IL1RAPL2: variants seen among roughly 807,000 people sequenced by gnomAD.
The protein encoded by IL1RAPL2 is interleukin 1 receptor accessory protein like 2.
Under a neutral mutation model 44.1 loss-of-function variants are expected in IL1RAPL2, and 3 were observed. The observed-to-expected ratio is 0.07, with a 90% CI of 0.03 to 0.18. IL1RAPL2 has a LOEUF of 0.18. Ranked by LOEUF, IL1RAPL2 falls within the 10% of genes least tolerant of loss-of-function variation. The pLI is 1.00. For missense variants in IL1RAPL2, 391 were observed against 496.4 expected (o/e 0.79, Z 2.02); for synonymous variants, 181 against 178.8 (o/e 1.01, Z -0.10).
At chrX:105,696,513 G>A (rs1876633603) in intron 6 of IL1RAPL2, among the ~76,000 whole-genome samples, 1 of 111,285 alleles carries the variant, frequency 9.0e-6, no homozygotes, top group African/African-American at 3.3e-5. Flanking sequence ...GTTTATTGAC[G>A]ATGAATAAAT....
intron 6 of IL1RAPL2, among the ~76,000 whole-genome samples, chrX:105,561,277 A>G (rs1175653537): frequency 1.8e-5 from 2 of 112,042 alleles, no homozygotes; most frequent in Non-Finnish European, 3.8e-5. Flanking sequence ...TAATGCTGAC[A>G]GCTCACCTTC....
intron 5 of IL1RAPL2, among the ~76,000 whole-genome samples, chrX:105,271,112 T>C (rs557172933): frequency 2.1e-4 from 24 of 112,336 alleles, no homozygotes; most frequent in Admixed American, 6.6e-4. Context: ...AAGGTTATCA[T>C]TTGCTTTAAT....
At chrX:104,673,069 T>A (rs1051323192) in intron 2 of IL1RAPL2, among the ~76,000 whole-genome samples, 1 of 112,096 alleles carries the variant, frequency 8.9e-6, no homozygotes, top group African/African-American at 3.2e-5. Context: ...CTGATGGTCA[T>A]TTCTTTTGCT....
chrX:105,428,539 G>A (rs1181200484), intron 5 of IL1RAPL2, among the ~76,000 whole-genome samples: 2 of 111,506 alleles, frequency 1.8e-5, no homozygotes, highest in Non-Finnish European at 3.8e-5. Context: ...ATTCACTTCT[G>A]CGAAAAGAGG....
intron 2 of IL1RAPL2, among the ~76,000 whole-genome samples, chrX:104,803,261 A>G (rs1307005207): frequency 8.9e-6 from 1 of 111,934 alleles, no homozygotes; most frequent in Non-Finnish European, 1.9e-5. Flanking sequence ...CACCCTGTGA[A>G]CAATGTATTA....
intron 4 of IL1RAPL2, among the ~76,000 whole-genome samples, chrX:105,258,082 ATATT>A (rs1159237652): frequency 5.4e-5 from 6 of 111,319 alleles, no homozygotes; most frequent in Non-Finnish European, 1.1e-4. Context: ...TTTTCTTTCT[ATATT>A]TATTGTTATT....
At chrX:105,537,403 A>G (rs966004960) in intron 6 of IL1RAPL2, among the ~76,000 whole-genome samples, 1 of 111,652 alleles carries the variant, frequency 9.0e-6, no homozygotes, top group African/African-American at 3.3e-5. Flanking sequence ...TTAAGGTCTC[A>G]AAACTAAAAT....
At chrX:104,786,272 A>G (rs1004341480) in intron 2 of IL1RAPL2, among the ~76,000 whole-genome samples, 2 of 111,593 alleles carry the variant, frequency 1.8e-5, no homozygotes, top group Admixed American at 9.5e-5. Context: ...GGCCACTCTC[A>G]GAGGTACCTC....
chrX:104,708,177 A>T (rs1196936390), intron 2 of IL1RAPL2, among the ~76,000 whole-genome samples: 1 of 111,427 alleles, frequency 9.0e-6, no homozygotes, highest in Non-Finnish European at 1.9e-5. Context: ...TCATCCATGA[A>T]CTCCCAATCT....
chrX:104,825,743 C>T (rs62602911), intron 2 of IL1RAPL2, among the ~76,000 whole-genome samples: 40,234 of 110,739 alleles, frequency 0.36, 5,804 homozygotes, highest in East Asian at 0.46. Context: ...TCAGTTGCTC[C>T]AGTAATCCTG....
At chrX:105,758,429 C>G (rs1396726984) in intron 10 of IL1RAPL2, among the ~76,000 whole-genome samples, 1 of 110,800 alleles carries the variant, frequency 9.0e-6, no homozygotes, top group African/African-American at 3.3e-5. Context: ...CTCTCTCTCT[C>G]TCTCTCATAT....
At chrX:104,901,031 A>G (rs895792741) in intron 2 of IL1RAPL2, among the ~76,000 whole-genome samples, 1 of 110,800 alleles carries the variant, frequency 9.0e-6, no homozygotes, top group Non-Finnish European at 1.9e-5. Flanking sequence ...CAAGGAGTGA[A>G]TGGGATTCCA....
intron 6 of IL1RAPL2, among the ~76,000 whole-genome samples, chrX:105,527,250 G>A (rs1231295776): frequency 9.0e-6 from 1 of 110,941 alleles, no homozygotes; most frequent in East Asian, 2.8e-4. Context: ...TTGATCAGTA[G>A]CCATTATTTG....
intron 2 of IL1RAPL2, among the ~76,000 whole-genome samples, chrX:104,770,005 C>G (rs1932615429): frequency 9.0e-6 from 1 of 111,197 alleles, no homozygotes; most frequent in Non-Finnish European, 1.9e-5. Flanking sequence ...TTTTTCCTTT[C>G]TTTTTAGTAA....
intron 2 of IL1RAPL2, among the ~76,000 whole-genome samples, chrX:104,723,109 G>A (rs1931716267): frequency 9.1e-6 from 1 of 110,423 alleles, no homozygotes; most frequent in Admixed American, 9.7e-5. Context: ...ATTTGCAGCT[G>A]ACATCCATTT....
At chrX:105,122,714 A>C (rs1017262934) in intron 2 of IL1RAPL2, among the ~76,000 whole-genome samples, 1 of 112,200 alleles carries the variant, frequency 8.9e-6, no homozygotes, top group African/African-American at 3.2e-5. Context: ...ACAAGGGACA[A>C]GGACCATATT....
intron 2 of IL1RAPL2, among the ~76,000 whole-genome samples, chrX:104,749,119 T>C (rs772633766): frequency 3.0e-4 from 33 of 111,193 alleles, no homozygotes; most frequent in Admixed American, 9.6e-5. Context: ...GTAGAAGATA[T>C]AGAGAAACTA....
chrX:104,582,071 C>T lies in IL1RAPL2; in HGVS notation c.-20+15020C>T, dbSNP rs72616872. On this transcript the variant is annotated intron_variant, in intron 1 of 10. Coordinates refer to ENST00000372582, the MANE Select transcript of IL1RAPL2 (RefSeq NM_017416.2). ...ATATACTTGAAATTTTTATTTAATGCAAAGTATAACACTTTCTGCCTAAAT... is the reference window on the plus strand; with the variant it reads ...ATATACTTGAAATTTTTATTTAATGTAAAGTATAACACTTTCTGCCTAAAT... Among the ~76,000 whole-genome samples the T allele has an allele frequency of 3.6e-5, 4 of 111,750 alleles. No homozygotes were observed. The East Asian group carries it at 1.1e-3, about 31-fold the overall frequency.
At chrX:105,241,231 T>C (rs1325461744) in intron 4 of IL1RAPL2, among the ~76,000 whole-genome samples, 1 of 111,419 alleles carries the variant, frequency 9.0e-6, no homozygotes, top group Admixed American at 9.6e-5. Context: ...GGGAAGCCTG[T>C]CAAATATGTT....
Sources: gnomAD v4.1 joint callset for allele counts (sites outside exome capture counted in the v4.1 genomes callset) on GRCh38, gnomAD v4.1.1 for gene constraint, MANE v1.5 for transcripts, NCBI Gene and HGNC (gene_info 2026-07-23, HGNC 2026-07-21) for gene names.